CHST15: variants seen among roughly 807,000 people sequenced by gnomAD.
CHST15 encodes the protein carbohydrate sulfotransferase 15, also known as B cell RAG associated protein (GALNAC4S-6ST).
In CHST15, 30 loss-of-function variants were observed where a neutral mutation model predicts 53.6. The ratio of observed to expected loss-of-function variants is 0.56; its 90% CI spans 0.42 to 0.76. CHST15 has a LOEUF of 0.76. Ranked by LOEUF, CHST15 falls within the 30% of genes least tolerant of loss-of-function variation. The pLI is 0.00. For synonymous variants in CHST15, 296 were observed against 289.8 expected (o/e 1.02, Z -0.22); for missense variants, 627 against 740.5 (o/e 0.85, Z 1.78).
At chr10:124,051,605 A>T (rs1020661348) in intron 1 of CHST15, among the ~76,000 whole-genome samples, 1 of 152,200 alleles carries the variant, frequency 6.6e-6, no homozygotes, top group Non-Finnish European at 1.5e-5. Context: ...TCAGGTATAC[A>T]TTTCAGTGAG....
In CHST15 at chr10:124,024,769, T is replaced by C. The variant is rs939798881; in HGVS notation, c.1191-3357A>G. 4.6e-5 allele frequency among the ~76,000 whole-genome samples: 7 copies of C among 152,322 alleles called. No homozygotes were observed. Among genetic ancestry groups the C allele is most frequent in the Admixed American group, 1.3e-4 (2 of 15,302 alleles). ...GCCAAAATCAGACACGCGTGAACCT[T>C]CAAGCAAGGTTTGGCTGTGTGCACT... On this transcript the variant is annotated intron_variant, in intron 5 of 7. Transcript: ENST00000435907. The surrounding 1 kb of genome is among the most constrained non-coding windows in gnomAD (Gnocchi z 4.0).
chr10:124,065,887 C>T (rs1268542185), intron 1 of CHST15, among the ~76,000 whole-genome samples: 2 of 152,138 alleles, frequency 1.3e-5, no homozygotes, highest in Admixed American at 6.5e-5. Flanking sequence ...GCCGCAAAAT[C>T]CCAGGTACTG....
chr10:124,015,674 CG>C (rs1447173068), intron 6 of CHST15, among the ~76,000 whole-genome samples: 1 of 152,228 alleles, frequency 6.6e-6, no homozygotes, highest in Non-Finnish European at 1.5e-5. Context: ...AAGCTGAGCT[CG>C]TGCCACCATG....
rs190358822 is a variant in CHST15, at chr10:124,074,425, T to A, written c.-513+19044A>T. Among the ~76,000 whole-genome samples, 1 of 152,294 alleles carries A rather than the reference T, an allele frequency of 6.6e-6. No individual in the cohort carries two copies. The highest frequency in any genetic ancestry group is 1.5e-5 in the Non-Finnish European group (1 of 68,014). On this transcript the variant is annotated intron_variant, in intron 1 of 7. Coordinates refer to ENST00000435907, the MANE Select transcript of CHST15 (RefSeq NM_001270764.2). The surrounding 1 kb of genome is among the most constrained non-coding windows in gnomAD (Gnocchi z 4.4). ...CAGGTGGCAGGTAGGGGCGGGGGCCTAGTTGGGAGCATCGCCCAGTTGTGA... is the reference window on the plus strand; with the variant it reads ...CAGGTGGCAGGTAGGGGCGGGGGCCAAGTTGGGAGCATCGCCCAGTTGTGA...
At chr10:124,092,591 G>C (rs1200014469) in intron 1 of CHST15, 1 of 152,338 alleles carries the variant, frequency 6.6e-6, no homozygotes, top group East Asian at 1.9e-4. Context: ...CGGGTCCCAC[G>C]GGCTTAGGCG....
chr10:124,092,947 C>A (rs1174319295), intron 1 of CHST15, among the ~76,000 whole-genome samples: 1 of 152,228 alleles, frequency 6.6e-6, no homozygotes, highest in East Asian at 1.9e-4. Context: ...GTGCGTTCCA[C>A]GCGGCTTGCG....
At chr10:124,061,470 T>C (rs1948570604) in intron 1 of CHST15, among the ~76,000 whole-genome samples, 1 of 152,158 alleles carries the variant, frequency 6.6e-6, no homozygotes, top group Non-Finnish European at 1.5e-5. Flanking sequence ...GAACTGTAAG[T>C]CTAATTAAAC....
rs747931234 is a variant in CHST15 at position 124,010,153 on chromosome 10, G to C, written c.1682C>G (p.Thr561Arg). The change falls in exon 8 of 8, where the codon ACG becomes AGG. Residue 561 changes from threonine (T) to arginine (R), a missense_variant. Thr to Arg is a moderately conservative substitution (Grantham distance 71). Transcript: ENST00000435907. ...LADEAFAWKT[T>R] ...CGTGCAGCAACAATTCAGCTCTCACGTCGTCTTCCACGCAAACGCCTCATC... is the reference window on the plus strand; with the variant it reads ...CGTGCAGCAACAATTCAGCTCTCACCTCGTCTTCCACGCAAACGCCTCATC... 4 of 1,612,572 alleles carry C rather than the reference G, an allele frequency of 2.5e-6. No homozygotes were observed. The South Asian group carries it at 4.4e-5, about 18-fold the overall frequency.
chr10:124,045,604 G>C, intron 2 of CHST15, 63 bp downstream of exon 2: 1 of 1,442,136 alleles, frequency 6.9e-7, no homozygotes, highest in Non-Finnish European at 9.4e-7. Context: ...GATGGTGATA[G>C]AAAGAAAAGC....
intron 1 of CHST15, among the ~76,000 whole-genome samples, chr10:124,090,364 G>T (rs1247593750): frequency 6.6e-6 from 1 of 152,154 alleles, no homozygotes; most frequent in Non-Finnish European, 1.5e-5. Context: ...CAGCCCTGGG[G>T]TCTCCCTCTT....
chr10:124,083,662 C>T (rs911974029), intron 1 of CHST15, among the ~76,000 whole-genome samples: 1 of 152,158 alleles, frequency 6.6e-6, no homozygotes, highest in African/African-American at 2.4e-5. Context: ...AAATGTCAGG[C>T]TGATACTGTT....
At chr10:124,035,239 C>T (rs141611516) in intron 5 of CHST15, among the ~76,000 whole-genome samples, 3,528 of 139,174 alleles carry the variant, frequency 0.025, 104 homozygotes, top group East Asian at 0.15. Context: ...ACCCTGGCTT[C>T]ATCCCCTAAC....
In CHST15 at chr10:124,036,081, C is replaced by T. The variant is rs936791414; in HGVS notation, c.1190+2434G>A. Among the ~76,000 whole-genome samples the T allele has an allele frequency of 9.2e-5, 14 of 152,348 alleles. No individual in the cohort carries two copies. The highest frequency in any genetic ancestry group is 2.6e-4 in the Admixed American group (4 of 15,310). On this transcript the variant is annotated intron_variant, in intron 5 of 7. Transcript: ENST00000435907. This position sits in a 1 kb window ranked among gnomAD's most constrained non-coding sequence, Gnocchi z 5.1. ...CTCAGAATGAGGAACTAAGCAGCAG[C>T]GACAGGAAAACATTTGATGAGCACA...
chr10:124,055,615 G>A (rs1336785972), intron 1 of CHST15, among the ~76,000 whole-genome samples: 3 of 152,198 alleles, frequency 2.0e-5, no homozygotes, highest in Non-Finnish European at 4.4e-5. Flanking sequence ...CTAAAAAGCT[G>A]AGCTGGCCAG....
Position 124,046,190 on chromosome 10 carries a change from C to T in CHST15, c.23G>A (p.Cys8Tyr). The change falls in exon 2 of 8, where the codon TGC (cysteine) becomes TAC (tyrosine). Residue 8 changes from cysteine (C) to tyrosine (Y), a missense_variant. Cys to Tyr is a radical substitution (Grantham distance 194, BLOSUM62 -2). This residue lies in a region of CHST15 where 187 missense variants were observed against 251.8 expected (regional missense o/e 0.74). Transcript: ENST00000435907. ...TGCGCCGTCGGGTAACAGCTGTATG[C>T]AGCAATTAATGCAGTGCCTCATGGT... MRHCINC[C>Y]IQLLPDGAHK... The T allele has an allele frequency of 6.2e-7, 1 of 1,609,298 alleles. No homozygotes were observed. Among genetic ancestry groups the T allele is most frequent in the Non-Finnish European group, 8.5e-7 (1 of 1,177,492 alleles).
chr10:124,034,111 C>T (rs983914606), intron 5 of CHST15, among the ~76,000 whole-genome samples: 3 of 152,160 alleles, frequency 2.0e-5, no homozygotes, highest in Non-Finnish European at 4.4e-5. Context: ...GGCACTGGGT[C>T]GCCACTGTTG....
chr10:124,062,075 C>G (rs982461457), intron 1 of CHST15, among the ~76,000 whole-genome samples: 1 of 151,764 alleles, frequency 6.6e-6, no homozygotes, highest in African/African-American at 2.4e-5. Flanking sequence ...GGAGTGCAGC[C>G]GGGAAGGACA....
intron 1 of CHST15, among the ~76,000 whole-genome samples, chr10:124,087,313 T>G (rs1042756911): frequency 6.6e-6 from 1 of 152,136 alleles, no homozygotes; most frequent in Non-Finnish European, 1.5e-5. Context: ...TCGCCACTTC[T>G]CCTTGTATGC....
In CHST15 at chr10:124,038,612, T is replaced by C. The variant is rs375061085; in HGVS notation, c.1093A>G (p.Ser365Gly). 1 of 1,614,124 alleles carries C rather than the reference T, an allele frequency of 6.2e-7. No individual in the cohort carries two copies. Among genetic ancestry groups the C allele is most frequent in the Non-Finnish European group, 8.5e-7 (1 of 1,180,022 alleles). Residue 365 changes from serine to glycine, a missense_variant, in exon 5 of 8, where the codon AGC (serine) becomes GGC (glycine). By Grantham distance (56) the Ser-to-Gly change is moderately conservative (BLOSUM62 0). This residue lies in a region of CHST15 where 279 missense variants were observed against 371.6 expected (regional missense o/e 0.75). Transcript: ENST00000435907. ...AGAAACGGTGGCTCGCCATCCGTGC[T>C]GTTGTCGTAGAAGAACGTCCAGGCA... ...NNAWTFFYDN[S>G]TDGEPPFLTQ...
Sources: gnomAD v4.1 joint callset for allele counts (sites outside exome capture counted in the v4.1 genomes callset) on GRCh38, gnomAD v4.1.1 for gene constraint, gnomAD v4.1.1 regional missense constraint, Gnocchi (gnomAD v3.1) non-coding constraint, MANE v1.5 for transcripts, NCBI Gene and HGNC (gene_info 2026-07-23, HGNC 2026-07-21) for gene names.